Variants in PCLO observed in about 807,000 individuals in gnomAD.
PCLO encodes the protein protein piccolo.
A neutral mutation model predicts 427.5 loss-of-function variants in PCLO; 82 were observed. That is an observed-to-expected ratio of 0.19 (90% CI 0.16 to 0.23). The LOEUF is 0.23. PCLO is among the 10% of genes least tolerant of loss of function. PCLO has a pLI of 1.00. For missense variants in PCLO, 6,239 were observed against 6,115.9 expected (o/e 1.02, Z -0.67); for synonymous variants, 2,357 against 2,155.4 (o/e 1.09, Z -2.59).
intron 3 of PCLO, among the ~76,000 whole-genome samples, chr7:83,024,802 AC>A (rs1169022495): frequency 6.6e-6 from 1 of 151,820 alleles, no homozygotes; most frequent in Non-Finnish European, 1.5e-5. Context: ...CTGACTCCTG[AC>A]CCCCGAGCAG....
intron 3 of PCLO, among the ~76,000 whole-genome samples, chr7:83,077,034 A>ATT (rs1375958650): frequency 1.1e-4 from 17 of 151,566 alleles, no homozygotes; most frequent in Non-Finnish European, 2.1e-4. Flanking sequence ...ATATATATAT[A>ATT]TTTTGCATAT....
intron 18 of PCLO, 61 bp downstream of exon 18, chr7:82,826,528 T>C (rs1396748258): frequency 2.0e-5 from 22 of 1,077,938 alleles, no homozygotes; most frequent in South Asian, 2.6e-5. Flanking sequence ...ATGCTTTGCA[T>C]CGTGCTTTAA....
At chr7:83,124,947 G>A (rs1302356798) in intron 3 of PCLO, among the ~76,000 whole-genome samples, 7 of 152,130 alleles carry the variant, frequency 4.6e-5, no homozygotes, top group East Asian at 1.9e-4. Context: ...GTGGAGACGC[G>A]GTTTCGCCGT....
intron 3 of PCLO, among the ~76,000 whole-genome samples, chr7:83,016,390 A>G (rs1440178647): frequency 6.6e-6 from 1 of 152,182 alleles, no homozygotes; most frequent in Non-Finnish European, 1.5e-5. Flanking sequence ...ATAACAAAGA[A>G]TAAAGAGGGT....
At chr7:83,113,078 T>C (rs1791045385) in intron 3 of PCLO, among the ~76,000 whole-genome samples, 1 of 152,236 alleles carries the variant, frequency 6.6e-6, no homozygotes, top group African/African-American at 2.4e-5. Flanking sequence ...CTAGCATTTA[T>C]TGAGCTTTAG....
chr7:83,110,408 T>C (rs535592133), intron 3 of PCLO, among the ~76,000 whole-genome samples: 1 of 152,210 alleles, frequency 6.6e-6, no homozygotes, highest in Admixed American at 6.6e-5. Context: ...TCCTTAAATA[T>C]GTCTCTTTTC....
At chr7:82,948,663 A>C (rs1795259024) in intron 6 of PCLO, among the ~76,000 whole-genome samples, 1 of 152,190 alleles carries the variant, frequency 6.6e-6, no homozygotes, top group African/African-American at 2.4e-5. Context: ...TTTAGAGCTG[A>C]TTATGCACAT....
intron 3 of PCLO, among the ~76,000 whole-genome samples, chr7:83,023,517 G>C (rs938150786): frequency 6.6e-6 from 1 of 152,054 alleles, no homozygotes; most frequent in African/African-American, 2.4e-5. Context: ...CATCAAATAC[G>C]ACATAACTGA....
chr7:82,768,288 T>C (rs917880213), intron 22 of PCLO, among the ~76,000 whole-genome samples: 2 of 151,880 alleles, frequency 1.3e-5, no homozygotes, highest in Non-Finnish European at 2.9e-5. Flanking sequence ...CCAGGCCTGG[T>C]GGCGTGAGCC....
chr7:83,025,034 A>G (rs908723310), intron 3 of PCLO, among the ~76,000 whole-genome samples: 4 of 152,120 alleles, frequency 2.6e-5, no homozygotes, highest in African/African-American at 9.7e-5. Flanking sequence ...GGAAACTCTA[A>G]AAAGTAGAGC....
In PCLO at chr7:82,758,584, T is replaced by TTGAG; in HGVS notation, c.15416_15419dup (p.Gln5140HisfsTer19). The TTGAG allele has an allele frequency of 6.2e-7, 1 of 1,607,572 alleles. No individual in the cohort carries two copies. Among genetic ancestry groups the TTGAG allele is most frequent in the Non-Finnish European group, 8.5e-7 (1 of 1,176,876 alleles). ...GAGAAGACATGTTTCTTCAATGCGT[T>TTGAG]TGAGTAGGACTGACCAAAAGTTTGT... On this transcript the variant is annotated frameshift_variant, in exon 25 of 25. Coordinates refer to ENST00000333891, the MANE Select transcript of PCLO (RefSeq NM_033026.6). LOFTEE classifies it high-confidence loss of function.
At chr7:83,087,221 TA>T (rs34272716) in intron 3 of PCLO, among the ~76,000 whole-genome samples, 104,099 of 146,052 alleles carry the variant, frequency 0.71, 36,590 homozygotes, top group East Asian at 0.83. Flanking sequence ...TAAAGCATAA[TA>T]AAAAAAAAAA....
intron 14 of PCLO, among the ~76,000 whole-genome samples, chr7:82,840,074 A>G (rs7797666): frequency 0.016 from 2,436 of 152,212 alleles, 72 homozygotes; most frequent in African/African-American, 0.056. Flanking sequence ...AGTCCAAAAG[A>G]AACACTAGTC....
chr7:83,083,380 C>T (rs1293258130), intron 3 of PCLO, among the ~76,000 whole-genome samples: 1 of 151,770 alleles, frequency 6.6e-6, no homozygotes, highest in Non-Finnish European at 1.5e-5. Flanking sequence ...AAAAAGTGAG[C>T]AATACAACAA....
At chr7:82,777,500 C>A (rs1000603128) in intron 22 of PCLO, among the ~76,000 whole-genome samples, 1 of 152,048 alleles carries the variant, frequency 6.6e-6, no homozygotes, top group African/African-American at 2.4e-5. Context: ...CCTACTTCAA[C>A]CTATACTGTG....
chr7:83,026,183 C>A (rs1450589429), intron 3 of PCLO, among the ~76,000 whole-genome samples: 1 of 152,106 alleles, frequency 6.6e-6, no homozygotes, highest in Non-Finnish European at 1.5e-5. Context: ...AGTCAAGACC[C>A]ATCAGTGTGC....
At chr7:82,886,322 T>G (rs1793626678) in intron 9 of PCLO, among the ~76,000 whole-genome samples, 1 of 152,168 alleles carries the variant, frequency 6.6e-6, no homozygotes, top group South Asian at 2.1e-4. Flanking sequence ...ATTGCATCTT[T>G]TAATATTATA....
chr7:82,835,470 TA>T (rs1380492823), intron 16 of PCLO, among the ~76,000 whole-genome samples, 196 bp downstream of exon 16: 2 of 152,204 alleles, frequency 1.3e-5, no homozygotes, highest in Non-Finnish European at 2.9e-5. Context: ...TTCTGTGTTC[TA>T]TTGCACACAT....
At chr7:83,141,880 G>A (rs560796226) in intron 2 of PCLO, among the ~76,000 whole-genome samples, 7 of 152,252 alleles carry the variant, frequency 4.6e-5, no homozygotes, top group African/African-American at 7.2e-5. Context: ...TGATTTTTAA[G>A]AGTGTATCTT....
Sources: allele counts gnomAD v4.1 joint callset (sites outside exome capture counted in the v4.1 genomes callset), GRCh38; gene constraint gnomAD v4.1.1; transcripts MANE v1.5; gene names NCBI Gene and HGNC (gene_info 2026-07-23, HGNC 2026-07-21).